CCSER1: variants seen among roughly 807,000 people sequenced by gnomAD.
The protein encoded by CCSER1 is serine-rich coiled-coil domain-containing protein 1.
Under a neutral mutation model 82.0 loss-of-function variants are expected in CCSER1, and 41 were observed. The observed-to-expected ratio is 0.50, with a 90% CI of 0.39 to 0.65. The LOEUF (loss-of-function observed/expected upper bound fraction) is 0.65, where lower values mean the gene tolerates loss of function less well. Ranked by LOEUF, CCSER1 falls within the 30% of genes least tolerant of loss-of-function variation. The pLI is 0.00. For synonymous variants in CCSER1, 414 were observed against 383.9 expected (o/e 1.08, Z -0.92); for missense variants, 1,119 against 1,064.2 (o/e 1.05, Z -0.72).
intron 5 of CCSER1, among the ~76,000 whole-genome samples, chr4:90,584,395 A>G (rs1005682035): frequency 1.3e-5 from 2 of 152,200 alleles, no homozygotes; most frequent in Admixed American, 6.5e-5. Flanking sequence ...AGAGAACCTC[A>G]GTTACAGGAA....
chr4:91,017,130 T>C (rs1739499917), intron 9 of CCSER1: 1 of 152,156 alleles, frequency 6.6e-6, no homozygotes, highest in Admixed American at 6.5e-5. Flanking sequence ...ATTGATGACT[T>C]TCTATGTCAT....
In CCSER1 at chr4:91,506,927, TA is replaced by T. The variant is rs1759526619; in HGVS notation, c.2218-91644del. 2.6e-5 allele frequency among the ~76,000 whole-genome samples: 4 copies of T among 152,312 alleles called. No individual in the cohort carries two copies. The South Asian group carries it at 6.2e-4, about 24-fold the overall frequency. On this transcript the variant is annotated intron_variant, in intron 10 of 10. Transcript: ENST00000509176. ...TTTTTGTGACCATCACTTAGCATAT[TA>T]TTTTTATGGTTCATTCATATTGTAG...
rs572500883 is a variant in CCSER1, at chr4:91,258,062, C to T, written c.2217+172068C>T. 1.6e-3 allele frequency among the ~76,000 whole-genome samples: 240 copies of T among 152,114 alleles called. 1 individual carries two copies. Among genetic ancestry groups the T allele is most frequent in the African/African-American group, 5.3e-3 (221 of 41,548 alleles). ...TTTCAGTGGGAAGTGAGACTTCATA[C>T]CCAATATTTTAAATATATACATGTC... On this transcript the variant is annotated intron_variant, in intron 10 of 10. Transcript: ENST00000509176.
At chr4:90,436,653 A>G (rs1347921255) in intron 4 of CCSER1, among the ~76,000 whole-genome samples, 1 of 152,188 alleles carries the variant, frequency 6.6e-6, no homozygotes, top group Non-Finnish European at 1.5e-5. Context: ...TACTATGTTT[A>G]TATCACAAAA....
chr4:90,944,222 A>G (rs1445498833), intron 9 of CCSER1, among the ~76,000 whole-genome samples: 1 of 128,032 alleles, frequency 7.8e-6, no homozygotes, highest in Non-Finnish European at 1.6e-5. Context: ...ACAGAGCGAG[A>G]CTCCGCCTCA....
chr4:91,160,597 G>A (rs1731284801), intron 10 of CCSER1, among the ~76,000 whole-genome samples: 2 of 152,192 alleles, frequency 1.3e-5, no homozygotes, highest in Admixed American at 1.3e-4. Flanking sequence ...TCTAACTGGT[G>A]TGAGATGGTA....
intron 9 of CCSER1, among the ~76,000 whole-genome samples, chr4:91,051,659 G>A (rs1180139831): frequency 6.6e-6 from 1 of 152,054 alleles, no homozygotes. Flanking sequence ...AGGATAAAAT[G>A]CACCCTAGAA....
At chr4:91,128,672 G>A (rs1213694011) in intron 10 of CCSER1, among the ~76,000 whole-genome samples, 1 of 152,056 alleles carries the variant, frequency 6.6e-6, no homozygotes, top group Admixed American at 6.6e-5. Flanking sequence ...GGCAGGCATG[G>A]TTCACTCAGG....
At chr4:90,415,673 T>C (rs945863106) in intron 4 of CCSER1, among the ~76,000 whole-genome samples, 1 of 152,184 alleles carries the variant, frequency 6.6e-6, no homozygotes, top group Non-Finnish European at 1.5e-5. Flanking sequence ...AATTTGGGTT[T>C]GTGTTTTGGA....
chr4:90,369,218 A>G (rs868530430), intron 3 of CCSER1, among the ~76,000 whole-genome samples: 1 of 113,108 alleles, frequency 8.8e-6, no homozygotes, highest in African/African-American at 3.6e-5. Context: ...AGAAGAAGAA[A>G]GAAAGGGGGA....
intron 10 of CCSER1, among the ~76,000 whole-genome samples, chr4:91,484,453 C>T (rs1758113210): frequency 6.6e-6 from 1 of 152,112 alleles, no homozygotes; most frequent in African/African-American, 2.4e-5. Context: ...TAAACAAAAT[C>T]AACAAATCAA....
At chr4:91,001,555 C>CT (rs1388264430) in intron 9 of CCSER1, among the ~76,000 whole-genome samples, 1 of 152,012 alleles carries the variant, frequency 6.6e-6, no homozygotes, top group African/African-American at 2.4e-5. Context: ...TTTGTTTTGT[C>CT]TGATATAAGA....
chr4:91,448,175 A>G (rs565785166), intron 10 of CCSER1, among the ~76,000 whole-genome samples: 9 of 152,062 alleles, frequency 5.9e-5, no homozygotes, highest in Non-Finnish European at 1.0e-4. Flanking sequence ...TCCTTTTAGT[A>G]TTATCAACTT....
At chr4:91,378,579 G>A (rs1382616048) in intron 10 of CCSER1, among the ~76,000 whole-genome samples, 1 of 152,202 alleles carries the variant, frequency 6.6e-6, no homozygotes, top group Non-Finnish European at 1.5e-5. Flanking sequence ...AAGAATGCTT[G>A]TGACTTTTGC....
rs75341488 is a variant in CCSER1, at chr4:90,252,061, C to A, written c.-41-56183C>A. ...AAGATAATGTTATTGATGTGAGATG[C>A]TTCTTTTTAAATACAGGTTGAGTAT... On this transcript the variant is annotated intron_variant, in intron 1 of 10. Transcript: ENST00000509176. Among the ~76,000 whole-genome samples the A allele has an allele frequency of 9.8e-3, 1,485 of 151,926 alleles. 18 individuals are homozygous for A. Among genetic ancestry groups the A allele is most frequent in the African/African-American group, 0.033 (1,384 of 41,524 alleles).
chr4:90,838,843 A>T, intron 8 of CCSER1: 11 of 1,604,020 alleles, frequency 6.9e-6, no homozygotes, highest in South Asian at 4.4e-5. Context: ...AGCTAAAAGA[A>T]GTAAAATAAG....
At chr4:91,348,893 T>TA (rs947222575) in intron 10 of CCSER1, among the ~76,000 whole-genome samples, 7 of 152,072 alleles carry the variant, frequency 4.6e-5, no homozygotes, top group African/African-American at 1.4e-4. Flanking sequence ...GTTGATTTTT[T>TA]AAAATTAATT....
At chr4:90,480,460 C>T (rs187200046) in intron 5 of CCSER1, among the ~76,000 whole-genome samples, 52,835 of 151,586 alleles carry the variant, frequency 0.35, 15,065 homozygotes, top group African/African-American at 0.79. Flanking sequence ...CCCATGCCTA[C>T]ATCCTGAATG....
intron 8 of CCSER1, among the ~76,000 whole-genome samples, chr4:90,871,022 G>A (rs770046669): frequency 1.3e-5 from 2 of 149,930 alleles, no homozygotes; most frequent in Non-Finnish European, 3.0e-5. Context: ...ACTATCTGTT[G>A]TAATGTCTCC....
Sources: gnomAD v4.1 joint callset for allele counts (sites outside exome capture counted in the v4.1 genomes callset) on GRCh38, gnomAD v4.1.1 for gene constraint, MANE v1.5 for transcripts, NCBI Gene and HGNC (gene_info 2026-07-23, HGNC 2026-07-21) for gene names.